Variants in FSIP1 observed in about 807,000 individuals in gnomAD.
FSIP1 encodes fibrous sheath-interacting protein 1.
A neutral mutation model predicts 60.9 loss-of-function variants in FSIP1; 65 were observed. That is an observed-to-expected ratio of 1.07 (90% CI 0.87 to 1.31). The LOEUF (loss-of-function observed/expected upper bound fraction) is 1.31, where lower values mean the gene tolerates loss of function less well. FSIP1 is among the 40% of genes most tolerant of loss of function. FSIP1 has a pLI of 0.00. For synonymous variants in FSIP1, 209 were observed against 221.2 expected (o/e 0.94, Z 0.49); for missense variants, 675 against 665.5 (o/e 1.01, Z -0.16).
intron 10 of FSIP1, among the ~76,000 whole-genome samples, chr15:39,637,757 C>T (rs1414701161): frequency 3.3e-5 from 5 of 151,930 alleles, no homozygotes; most frequent in Non-Finnish European, 7.4e-5. Flanking sequence ...TGGGGAACTT[C>T]CCAAACAAGG....
rs1183375560 is a variant in FSIP1 at position 39,749,957 on chromosome 15, T to C, written c.560-8057A>G. On this transcript the variant is annotated intron_variant, in intron 5 of 11. Coordinates refer to ENST00000350221, the MANE Select transcript of FSIP1 (RefSeq NM_152597.5). Reference sequence around the variant, plus strand: ...AAACTATTAGAAGTAATAAATAAATTCAGAAAAGTTGTAGAGTACAAAATC... The same window carrying C: ...AAACTATTAGAAGTAATAAATAAATCCAGAAAAGTTGTAGAGTACAAAATC... Among the ~76,000 whole-genome samples, 3 of 151,784 alleles carry C rather than the reference T, an allele frequency of 2.0e-5. 1 individual carries two copies. The highest frequency in any genetic ancestry group is 4.4e-5 in the Non-Finnish European group (3 of 67,854).
At chr15:39,747,811 G>A (rs1310785392) in intron 5 of FSIP1, among the ~76,000 whole-genome samples, 1 of 152,026 alleles carries the variant, frequency 6.6e-6, no homozygotes, top group Admixed American at 6.6e-5. Context: ...ATGGGTATTG[G>A]CCTTTTATCA....
chr15:39,613,756 T>C (rs1396576449), intron 11 of FSIP1, among the ~76,000 whole-genome samples: 8 of 152,176 alleles, frequency 5.3e-5, no homozygotes, highest in Admixed American at 3.3e-4. Flanking sequence ...ATCATTCACA[T>C]GATCAAATGG....
chr15:39,781,737 C>G (rs74761543), intron 1 of FSIP1, among the ~76,000 whole-genome samples: 3,261 of 152,282 alleles, frequency 0.021, 124 homozygotes, highest in African/African-American at 0.075. Flanking sequence ...GTGTTTGCTT[C>G]CATCAATATG....
chr15:39,755,486 T>C (rs1316875965), intron 5 of FSIP1, among the ~76,000 whole-genome samples: 6 of 152,112 alleles, frequency 3.9e-5, no homozygotes, highest in Admixed American at 1.3e-4. Context: ...CACATAGTAA[T>C]AGTTTGGAAT....
chr15:39,644,630 G>A (rs17712446), intron 10 of FSIP1, among the ~76,000 whole-genome samples: 5,375 of 152,174 alleles, frequency 0.035, 124 homozygotes, highest in Middle Eastern at 0.082. Flanking sequence ...TGGGACAAAT[G>A]AGCATCTCCA....
chr15:39,732,124 T>C (rs1306478105), intron 8 of FSIP1, among the ~76,000 whole-genome samples: 1 of 152,126 alleles, frequency 6.6e-6, no homozygotes, highest in Non-Finnish European at 1.5e-5. Context: ...ATCCCTCCCA[T>C]GCACAGTTCA....
intron 11 of FSIP1, among the ~76,000 whole-genome samples, chr15:39,612,919 A>G (rs940962936): frequency 6.6e-6 from 1 of 152,144 alleles, no homozygotes; most frequent in African/African-American, 2.4e-5. Context: ...TGCTTAAATT[A>G]TGATACATCA....
At chr15:39,636,125 T>G (rs528862403) in intron 10 of FSIP1, among the ~76,000 whole-genome samples, 1 of 152,296 alleles carries the variant, frequency 6.6e-6, no homozygotes, top group African/African-American at 2.4e-5. Context: ...TGACAGAATT[T>G]CTAGCAGCTC....
chr15:39,659,496 C>T (rs192688430), intron 10 of FSIP1, among the ~76,000 whole-genome samples: 1 of 150,696 alleles, frequency 6.6e-6, no homozygotes, highest in African/African-American at 2.4e-5. Flanking sequence ...GAGCCGAGAT[C>T]GTGCCACTGC....
At chr15:39,611,628 A>C (rs1774519884) in intron 11 of FSIP1, among the ~76,000 whole-genome samples, 2 of 152,234 alleles carry the variant, frequency 1.3e-5, no homozygotes, top group African/African-American at 2.4e-5. Context: ...ACCAGAAGCA[A>C]ATTACAAAAT....
chr15:39,777,038 T>C (rs1374231242), intron 1 of FSIP1, among the ~76,000 whole-genome samples: 2 of 150,284 alleles, frequency 1.3e-5, no homozygotes, highest in Admixed American at 1.3e-4. Flanking sequence ...CAATTCTCCC[T>C]GCCTCAGCCT....
intron 11 of FSIP1, 87 bp downstream of exon 11, chr15:39,617,648 T>TA: frequency 8.7e-7 from 1 of 1,148,702 alleles, no homozygotes; most frequent in Non-Finnish European, 1.2e-6. Context: ...CATACCTTCT[T>TA]ACCCGACTCT....
intron 11 of FSIP1, among the ~76,000 whole-genome samples, chr15:39,603,943 C>A (rs538744793): frequency 5.9e-5 from 9 of 152,200 alleles, no homozygotes; most frequent in African/African-American, 2.2e-4. Flanking sequence ...GGGCCTGGCA[C>A]TCTACATTTC....
At chr15:39,751,297 A>C (rs1471975391) in intron 5 of FSIP1, among the ~76,000 whole-genome samples, 1 of 151,824 alleles carries the variant, frequency 6.6e-6, no homozygotes, top group East Asian at 1.9e-4. Flanking sequence ...AAATGAAATC[A>C]CCACCTCATA....
In FSIP1 at chr15:39,690,270, A is replaced by G. The variant is rs146066005; in HGVS notation, c.1188+23174T>C. Among the ~76,000 whole-genome samples the G allele has an allele frequency of 7.8e-3, 1,191 of 152,254 alleles. 19 individuals are homozygous for G. The highest frequency in any genetic ancestry group is 0.028 in the African/African-American group (1,146 of 41,548). ...TTATAGGATGTTAATCAGGGGAGTGACATATCATATTTGCATTCTGGAAAG... is the reference window on the plus strand; with the variant it reads ...TTATAGGATGTTAATCAGGGGAGTGGCATATCATATTTGCATTCTGGAAAG... On this transcript the variant is annotated intron_variant, in intron 10 of 11. Transcript: ENST00000350221.
intron 10 of FSIP1, among the ~76,000 whole-genome samples, chr15:39,679,799 C>T (rs1364598361): frequency 6.6e-6 from 1 of 152,138 alleles, no homozygotes; most frequent in African/African-American, 2.4e-5. Flanking sequence ...ACAACGTCAT[C>T]ACAGGCATCT....
chr15:39,722,765 TA>T (rs200641016), intron 9 of FSIP1, among the ~76,000 whole-genome samples: 4 of 151,896 alleles, frequency 2.6e-5, no homozygotes, highest in Non-Finnish European at 5.9e-5. Flanking sequence ...ACCACACCTC[TA>T]AAAAAAATTA....
chr15:39,728,084 G>A (rs1194750712), intron 8 of FSIP1, among the ~76,000 whole-genome samples: 4 of 152,132 alleles, frequency 2.6e-5, no homozygotes, highest in Non-Finnish European at 4.4e-5. Context: ...AACCAGGGAG[G>A]TGAAAGACCT....
Sources: allele counts gnomAD v4.1 joint callset (sites outside exome capture counted in the v4.1 genomes callset), GRCh38; gene constraint gnomAD v4.1.1; transcripts MANE v1.5; gene names NCBI Gene and HGNC (gene_info 2026-07-23, HGNC 2026-07-21).